AVEN: variants seen among roughly 807,000 people sequenced by gnomAD.
The protein encoded by AVEN is cell death regulator Aven.
In AVEN, 41 loss-of-function variants were observed where a neutral mutation model predicts 38.1. That is an observed-to-expected ratio of 1.08 (90% CI 0.84 to 1.40). The LOEUF (loss-of-function observed/expected upper bound fraction) is 1.40. AVEN is among the 40% of genes most tolerant of loss of function. AVEN has a pLI of 0.00. For synonymous variants in AVEN, 206 were observed against 171.8 expected (o/e 1.20, Z -1.56); for missense variants, 605 against 438.8 (o/e 1.38, Z -3.38).
the AVEN span, chr15:33,853,529 G>A: frequency 1.2e-6 from 2 of 1,611,106 alleles, no homozygotes; most frequent in Non-Finnish European, 8.5e-7. Context: ...TGTGGCCTGA[G>A]CTCACCCTGT....
chr15:34,053,943 A>AGAATCTGTAG (rs1354308032), intron 5 of AVEN, among the ~76,000 whole-genome samples: 4 of 152,212 alleles, frequency 2.6e-5, no homozygotes, highest in Non-Finnish European at 5.9e-5. Flanking sequence ...ACAAAGGGCT[A>AGAATCTGTAG]ATATCCAGAA....
chr15:33,960,120 GAA>G (rs1292245919), intron 2 of AVEN, among the ~76,000 whole-genome samples: 1 of 152,070 alleles, frequency 6.6e-6, no homozygotes, highest in Non-Finnish European at 1.5e-5. Flanking sequence ...GTTTCTTTTA[GAA>G]ATAAAATACA....
chr15:33,878,791 T>C (rs1891359282), intron 2 of AVEN, among the ~76,000 whole-genome samples: 1 of 151,780 alleles, frequency 6.6e-6, no homozygotes, highest in South Asian at 2.1e-4. Context: ...AGTAGGAAAA[T>C]AGGAAAAGGG....
At chr15:34,062,771 T>C in intron 5 of AVEN, 1 of 1,614,058 alleles carries the variant, frequency 6.2e-7, no homozygotes, top group Non-Finnish European at 8.5e-7. Flanking sequence ...CCCCAGTAAA[T>C]CACCAGCCTT....
chr15:33,933,027 C>A (rs1893909910), intron 2 of AVEN, among the ~76,000 whole-genome samples: 1 of 151,890 alleles, frequency 6.6e-6, no homozygotes, highest in South Asian at 2.1e-4. Context: ...GGTAGCAAAA[C>A]AAACTGTATT....
At chr15:34,028,565 TAAAAC>T (rs1898607423) in intron 1 of AVEN, among the ~76,000 whole-genome samples, 1 of 152,058 alleles carries the variant, frequency 6.6e-6, no homozygotes, top group African/African-American at 2.4e-5. Context: ...GATCTTGTCT[TAAAAC>T]AAACAACAAC....
chr15:34,067,983 T>C (rs991643034), intron 2 of AVEN, among the ~76,000 whole-genome samples: 8 of 152,190 alleles, frequency 5.3e-5, no homozygotes, highest in African/African-American at 1.9e-4. Flanking sequence ...CTGGAAGCAA[T>C]TAAAAACAAA....
chr15:33,908,636 C>G (rs1235128833), intron 2 of AVEN, among the ~76,000 whole-genome samples: 2 of 152,134 alleles, frequency 1.3e-5, no homozygotes, highest in Non-Finnish European at 1.5e-5. Context: ...GCTTATTTGT[C>G]TCAGCAAGGT....
chr15:34,043,466 A>C (rs183758514), upstream of AVEN, among the ~76,000 whole-genome samples: 59 of 152,322 alleles, frequency 3.9e-4, no homozygotes, highest in Admixed American at 1.7e-3. Context: ...TGGAAAACAC[A>C]TAAGTTTCTC....
chr15:33,867,957 G>T, intron 4 of AVEN, 102 bp from the exon 5 acceptor site: 1 of 1,428,612 alleles, frequency 7.0e-7, no homozygotes, highest in African/African-American at 1.4e-5. Context: ...CTTTGTGACA[G>T]AGGAAACTCA....
intron 1 of AVEN, among the ~76,000 whole-genome samples, chr15:34,008,417 C>T (rs1897462778): frequency 1.4e-5 from 2 of 147,624 alleles, no homozygotes; most frequent in African/African-American, 5.1e-5. Context: ...AAGACCGTGT[C>T]TCTTAAAAAG....
At chr15:33,990,460 G>T (rs565078323) in intron 2 of AVEN, among the ~76,000 whole-genome samples, 2 of 152,154 alleles carry the variant, frequency 1.3e-5, no homozygotes, top group African/African-American at 2.4e-5. Flanking sequence ...AGAGTAACTG[G>T]AATATAAGTC....
rs576442780 is a variant in AVEN, at chr15:34,062,054, T to C, written n.1637+868A>G. 8.5e-5 allele frequency among the ~76,000 whole-genome samples: 13 copies of C among 152,262 alleles called. No individual in the cohort carries two copies. The South Asian group carries it at 2.7e-3, about 32-fold the overall frequency. ...TTTACTGCTTCTCAACAATCCATTTTTTTTCCTTTCCCTTCACCCTCCTCG... is the reference window on the plus strand; with the variant it reads ...TTTACTGCTTCTCAACAATCCATTTCTTTTCCTTTCCCTTCACCCTCCTCG... On this transcript the variant is annotated intron_variant and non_coding_transcript_variant, in intron 5 of 11. Transcript: ENST00000675287.
downstream of AVEN, chr15:33,865,586 T>G (rs1192737998): frequency 5.1e-6 from 1 of 195,550 alleles, no homozygotes; most frequent in Non-Finnish European, 1.1e-5. Context: ...ACCTGAAAAT[T>G]TAAACACTTG....
intron 2 of AVEN, among the ~76,000 whole-genome samples, chr15:33,977,739 G>GT (rs1895946656): frequency 6.6e-6 from 1 of 152,014 alleles, no homozygotes; most frequent in Non-Finnish European, 1.5e-5. Context: ...CTCAGAGCAA[G>GT]TAAGTCCTCC....
intron 2 of AVEN, among the ~76,000 whole-genome samples, chr15:33,961,768 G>C (rs551036755): frequency 8.0e-4 from 100 of 125,546 alleles, no homozygotes; most frequent in African/African-American, 1.6e-3. Context: ...AGCCGAGATC[G>C]CGCCACTGCA....
the AVEN span, chr15:33,852,897 T>C: frequency 4.3e-6 from 3 of 690,190 alleles, no homozygotes; most frequent in Non-Finnish European, 5.1e-6. Context: ...GTGATGACTC[T>C]GAACTTCAAT....
intron 1 of AVEN, among the ~76,000 whole-genome samples, chr15:34,033,442 A>G (rs1898957080): frequency 6.6e-6 from 1 of 151,392 alleles, no homozygotes; most frequent in South Asian, 2.1e-4. Flanking sequence ...AGAGGCGGAG[A>G]TTGCAGTGAG....
intron 2 of AVEN, among the ~76,000 whole-genome samples, chr15:33,888,214 AG>A (rs1412066248): frequency 1.3e-5 from 2 of 152,348 alleles, no homozygotes; most frequent in East Asian, 1.9e-4. Context: ...AAAATTAAAT[AG>A]ATTAGTGCCA....
Sources: allele counts gnomAD v4.1 joint callset (sites outside exome capture counted in the v4.1 genomes callset), GRCh38; gene constraint gnomAD v4.1.1; transcripts MANE v1.5; gene names NCBI Gene and HGNC (gene_info 2026-07-23, HGNC 2026-07-21).